The following UTP14A variants were observed in gnomAD, a reference collection of about 807,000 sequenced individuals.
UTP14A encodes UTP14A small subunit processome component.
In UTP14A, 5 loss-of-function variants were observed where a neutral mutation model predicts 57.2. The observed-to-expected ratio is 0.09, with a 90% CI of 0.05 to 0.18. UTP14A has a LOEUF of 0.18. UTP14A is among the 10% of genes least tolerant of loss of function. UTP14A has a pLI of 1.00. For synonymous variants in UTP14A, 169 were observed against 210.9 expected (o/e 0.80, Z 1.72); for missense variants, 430 against 562.1 (o/e 0.76, Z 2.38).
In UTP14A at chrX:129,925,082, C is replaced by T; in HGVS notation, c.1636C>T (p.Pro546Ser). The change falls in exon 12 of 15, where the codon CCT becomes TCT. Residue 546 changes from proline (P) to serine (S), a missense_variant. Pro to Ser is a moderately conservative substitution (Grantham distance 74). This residue lies in a region of UTP14A where 120 missense variants were observed against 116.8 expected (regional missense o/e 1.03). Coordinates refer to ENST00000394422, the MANE Select transcript of UTP14A (RefSeq NM_006649.4). ...QQSERTPNNR[P>S]DAPKEKKKKE... The stretch of plus-strand genomic sequence containing the variant: ...GTCAGAGAGGACCCCAAATAATCGC[C>T]CTGATGCCCCTAAGGAGAAGAAAAA... The T allele has an allele frequency of 8.3e-7, 1 of 1,211,284 alleles. No homozygotes were observed. Among genetic ancestry groups the T allele is most frequent in the Non-Finnish European group, 1.1e-6 (1 of 895,453 alleles).
intron 14 of UTP14A, among the ~76,000 whole-genome samples, chrX:129,926,908 C>T (rs900995475): frequency 2.3e-4 from 26 of 111,668 alleles, no homozygotes. Context: ...ATTTTTCCCT[C>T]GGAAGGAATA....
intron 11 of UTP14A, chrX:129,922,823 G>A (rs1213861539): frequency 9.1e-6 from 1 of 109,607 alleles, no homozygotes; most frequent in African/African-American, 3.3e-5. Flanking sequence ...AATAGTTTTG[G>A]CTGGATATTT....
At chrX:129,928,620 G>C (rs1930198777) in intron 14 of UTP14A, among the ~76,000 whole-genome samples, 2 of 109,387 alleles carry the variant, frequency 1.8e-5, no homozygotes, top group South Asian at 7.8e-4. Flanking sequence ...CGGGCGTGGT[G>C]GTGGGCACCT....
Position 129,924,849 on chromosome X carries a change from A to G in UTP14A, c.1403A>G (p.Lys468Arg). 1 of 1,209,572 alleles carries G rather than the reference A, an allele frequency of 8.3e-7. No homozygotes were observed. ...SELRVLSQKL[K>R]ENHQSRKQKA... ...TTGAGAGTACTATCTCAGAAATTGA[A>G]GGAAAACCATCAGTCCAGGAAGCAA... The change falls in exon 12 of 15, where the codon AAG becomes AGG. Residue 468 changes from lysine (K) to arginine (R), a missense_variant. Lys to Arg is a conservative substitution (Grantham distance 26, BLOSUM62 2). This residue lies in a region of UTP14A where 120 missense variants were observed against 116.8 expected (regional missense o/e 1.03). Coordinates refer to ENST00000394422, the MANE Select transcript of UTP14A (RefSeq NM_006649.4).
Position 129,920,466 on chromosome X carries a change from A to G in UTP14A, c.762A>G (p.Lys254=). Residue 254 remains lysine, a synonymous_variant, in exon 9 of 15, where the codon AAA becomes AAG. Coordinates refer to ENST00000394422, the MANE Select transcript of UTP14A (RefSeq NM_006649.4). ...EKKIKSKKYH[K]VVKKGKAKKA... Reference sequence around the variant, plus strand: ...CCTCCTACCCCTACAGGTATCACAAAGTCGTGAAGAAAGGAAAGGCCAAGA... The same window carrying G: ...CCTCCTACCCCTACAGGTATCACAAGGTCGTGAAGAAAGGAAAGGCCAAGA... The G allele has an allele frequency of 8.3e-7, 1 of 1,212,066 alleles. No individual in the cohort carries two copies. The highest frequency in any genetic ancestry group is 2.2e-5 in the Admixed American group (1 of 46,033).
chrX:129,907,280 C>T (rs1186017969), intron 1 of UTP14A, 87 bp from the exon 2 acceptor site: 6 of 725,224 alleles, frequency 8.3e-6, no homozygotes, highest in African/African-American at 4.4e-5. Flanking sequence ...TTTTTAATTT[C>T]GACTTTTATT....
chrX:129,918,277 C>T (rs1011014555), intron 6 of UTP14A, among the ~76,000 whole-genome samples: 164 of 108,455 alleles, frequency 1.5e-3, no homozygotes, highest in African/African-American at 2.1e-3. Context: ...GTCCCAGCTG[C>T]GCAGGAGGCT....
intron 4 of UTP14A, 30 bp downstream of exon 4, chrX:129,908,764 A>G: frequency 8.4e-7 from 1 of 1,188,597 alleles, no homozygotes; most frequent in South Asian, 1.8e-5. Flanking sequence ...ATACCCATGC[A>G]TGAAACCTGT....
At chrX:129,926,162 G>A (rs752410388) in intron 13 of UTP14A, 50 bp downstream of exon 13, 8 of 1,206,142 alleles carry the variant, frequency 6.6e-6, no homozygotes, top group Non-Finnish European at 9.0e-6. Context: ...TTCTCCCCTC[G>A]CCCTTCGGTG....
At chrX:129,911,191 G>A (rs369325912) in intron 5 of UTP14A, 41 bp downstream of exon 5, 6 of 1,166,898 alleles carry the variant, frequency 5.1e-6, no homozygotes, top group Non-Finnish European at 5.7e-6. Context: ...GAAAGAAATT[G>A]AATTGACAAG....
intron 11 of UTP14A, 198 bp downstream of exon 11, chrX:129,921,785 T>A (rs754361569): frequency 8.8e-6 from 4 of 454,493 alleles, no homozygotes; most frequent in East Asian, 7.9e-5. Context: ...TAAGCAGTCA[T>A]CTGCATGGCC....
chrX:129,924,938 G>A lies in UTP14A; in HGVS notation c.1492G>A (p.Glu498Lys), dbSNP rs1350325113. 1 of 1,211,524 alleles carries A rather than the reference G, an allele frequency of 8.3e-7. No homozygotes were observed. The highest frequency in any genetic ancestry group is 1.1e-6 in the Non-Finnish European group (1 of 895,525). ...AGAGGAACCTGCCCCAGAAGAAGAGGAGCCCCTGTTGCTACAGAGACCAGA... is the reference window on the plus strand; with the variant it reads ...AGAGGAACCTGCCCCAGAAGAAGAGAAGCCCCTGTTGCTACAGAGACCAGA... ...QREEPAPEEE[E>K]PLLLQRPERV... The change falls in exon 12 of 15, where the codon GAG becomes AAG. Residue 498 changes from glutamate to lysine, a missense_variant. Around this residue, in one of 4 missense-constraint regions of UTP14A, gnomAD observed 120 missense variants for 116.8 expected, o/e 1.03. Transcript: ENST00000394422.
At chrX:129,928,760 CA>C (rs1253526321) in intron 14 of UTP14A, among the ~76,000 whole-genome samples, 6 of 98,230 alleles carry the variant, frequency 6.1e-5, no homozygotes, top group Non-Finnish European at 1.0e-4. Context: ...TCTCAAAAAA[CA>C]AAAAAAAAAT....
At chrX:129,918,804 G>A (rs1199158990) in intron 6 of UTP14A, among the ~76,000 whole-genome samples, 1 of 110,042 alleles carries the variant, frequency 9.1e-6, no homozygotes, top group African/African-American at 3.3e-5. Context: ...GTGAACTCAG[G>A]AGGCGGAGCT....
intron 14 of UTP14A, among the ~76,000 whole-genome samples, chrX:129,928,279 G>A (rs1394040406): frequency 2.8e-5 from 3 of 106,418 alleles, no homozygotes; most frequent in African/African-American, 1.0e-4. Context: ...CAGCTACTAG[G>A]GAGGCTGAGG....
intron 6 of UTP14A, among the ~76,000 whole-genome samples, chrX:129,913,011 C>T (rs1043292283): frequency 1.8e-5 from 2 of 111,483 alleles, no homozygotes; most frequent in African/African-American, 6.5e-5. Context: ...CCCTGAAGTC[C>T]GGTTTTTAGT....
In UTP14A at chrX:129,908,251, A is replaced by G. The variant is rs1367777594; in HGVS notation, c.173+121A>G. On this transcript the variant is annotated intron_variant, in intron 3 of 14. Transcript: ENST00000394422. ...TACCAGTGCCTAGCATATAGTAAGCATTATATAATTAACTGTTAGCTGTTA... is the reference window on the plus strand; with the variant it reads ...TACCAGTGCCTAGCATATAGTAAGCGTTATATAATTAACTGTTAGCTGTTA... The G allele has an allele frequency of 2.1e-5, 11 of 520,622 alleles. No individual in the cohort carries two copies. In the Admixed American group the frequency reaches 4.7e-4, roughly 22 times the overall value. The allele number at this position is 520,622 out of a possible 1,213,427, so 42.9% of individuals were successfully genotyped here.
intron 11 of UTP14A, chrX:129,922,746 G>T (rs753058687): frequency 6.5e-5 from 7 of 107,978 alleles, no homozygotes; most frequent in Admixed American, 2.0e-4. Flanking sequence ...TTTTTTTCAG[G>T]TTTCCACATA....
intron 6 of UTP14A, among the ~76,000 whole-genome samples, chrX:129,916,851 AT>A (rs780817317): frequency 9.0e-6 from 1 of 110,737 alleles, no homozygotes; most frequent in Non-Finnish European, 1.9e-5. Context: ...ATCTGTTTGG[AT>A]TTTTTTTCCT....
Sources: gnomAD v4.1 joint callset for allele counts (sites outside exome capture counted in the v4.1 genomes callset) on GRCh38, gnomAD v4.1.1 for gene constraint, gnomAD v4.1.1 regional missense constraint, MANE v1.5 for transcripts, NCBI Gene and HGNC (gene_info 2026-07-23, HGNC 2026-07-21) for gene names.